The following ZNF627 variants were observed in gnomAD, a reference collection of about 807,000 sequenced individuals.
The protein encoded by ZNF627 is zinc finger protein 627.
Under a neutral mutation model 10.6 loss-of-function variants are expected in ZNF627, and 12 were observed. The ratio of observed to expected loss-of-function variants is 1.13; its 90% CI spans 0.73 to 1.84. The LOEUF (loss-of-function observed/expected upper bound fraction) is 1.84, where lower values mean the gene tolerates loss of function less well. ZNF627 is among the 40% of genes most tolerant of loss of function. ZNF627 has a pLI of 0.00. For missense variants in ZNF627, 504 were observed against 568.4 expected (o/e 0.89, Z 1.15); for synonymous variants, 176 against 187.1 (o/e 0.94, Z 0.48).
At chr19:11,597,945 C>G (rs1348092012) in intron 1 of ZNF627, among the ~76,000 whole-genome samples, 2 of 152,240 alleles carry the variant, frequency 1.3e-5, no homozygotes, top group Non-Finnish European at 2.9e-5. Context: ...CCCCCACAGT[C>G]CCGCCTTTCT....
At chr19:11,601,834 C>G (rs1159919410) in intron 1 of ZNF627, among the ~76,000 whole-genome samples, 1 of 151,430 alleles carries the variant, frequency 6.6e-6, no homozygotes. Flanking sequence ...AGTGAAACCC[C>G]ATCTCTACTA....
Position 11,617,850 on chromosome 19 carries a change from C to CGA in ZNF627, c.1347_1348insGA (p.Pro450AspfsTer86). On this transcript the variant is annotated frameshift_variant, in exon 4 of 4. Coordinates refer to ENST00000361113, the MANE Select transcript of ZNF627 (RefSeq NM_145295.4). LOFTEE classifies it low-confidence loss of function (END_TRUNC). ...ATACTGGAGAGAAACCCTATGAGAA[C>CGA]CCTAACCCTAACGCTTCAGTTGTCC... 1 of 1,578,034 alleles carries CGA rather than the reference C, an allele frequency of 6.3e-7. No individual in the cohort carries two copies. The highest frequency in any genetic ancestry group is 8.6e-7 in the Non-Finnish European group (1 of 1,166,774).
intron 1 of ZNF627, among the ~76,000 whole-genome samples, chr19:11,601,060 A>AG (rs1172386327): frequency 6.6e-6 from 1 of 152,200 alleles, no homozygotes; most frequent in East Asian, 1.9e-4. Context: ...ACTTGAAACT[A>AG]AGACCAATCT....
chr19:11,608,792 CA>C (rs1213949379), intron 1 of ZNF627, among the ~76,000 whole-genome samples: 1 of 152,100 alleles, frequency 6.6e-6, no homozygotes, highest in Non-Finnish European at 1.5e-5. Flanking sequence ...GCTGGGATTA[CA>C]GGTGTGTTCC....
At chr19:11,612,117 G>T (rs1973780464) in intron 1 of ZNF627, among the ~76,000 whole-genome samples, 4 of 94,504 alleles carry the variant, frequency 4.2e-5, no homozygotes, top group African/African-American at 7.5e-5. Context: ...GGGTCCAACT[G>T]CTTTTTTTTT....
chr19:11,612,486 A>G lies in ZNF627; in HGVS notation c.4-2041A>G, dbSNP rs530377235. Among the ~76,000 whole-genome samples the G allele has an allele frequency of 1.1e-4, 15 of 139,738 alleles. No individual in the cohort carries two copies. In the South Asian group the frequency reaches 2.0e-3, roughly 19 times the overall value. The allele number at this position is 139,738 out of a possible 152,430, so 91.7% of individuals were successfully genotyped here. ...ATCTAGGCTGGAGTGCAGTGGGGCA[A>G]TCTCAGCTTACTGCAACCTCTGCGT... On this transcript the variant is annotated intron_variant, in intron 1 of 3. Coordinates refer to ENST00000361113, the MANE Select transcript of ZNF627 (RefSeq NM_145295.4).
chr19:11,614,737 A>G, intron 2 of ZNF627, 84 bp downstream of exon 2: 3 of 1,606,804 alleles, frequency 1.9e-6, no homozygotes, highest in Non-Finnish European at 2.5e-6. Context: ...TAAACCAGGC[A>G]TGGGTACAGG....
At chr19:11,597,677 T>C in intron 1 of ZNF627, 47 bp downstream of exon 1, 2 of 1,332,564 alleles carry the variant, frequency 1.5e-6, no homozygotes, top group Non-Finnish European at 1.9e-6. Context: ...GAGGGGCTGG[T>C]TGGAACCGGC....
In ZNF627 at chr19:11,617,663, G is replaced by T. The variant is rs760824526; in HGVS notation, c.1160G>T (p.Gly387Val). 3 of 1,613,400 alleles carry T rather than the reference G, an allele frequency of 1.9e-6. No homozygotes were observed. In the Admixed American group the frequency reaches 5.0e-5, roughly 27 times the overall value. ...CGAAAACATGAAAGAATTCACACTG[G>T]AGAGAAACCCTATAAATGTACAAAA... The part of the protein sequence containing the change: ...SFRKHERIHT[G>V]EKPYKCTKCG... Residue 387 changes from glycine to valine, a missense_variant, in exon 4 of 4, where the codon GGA becomes GTA. Coordinates refer to ENST00000361113, the MANE Select transcript of ZNF627 (RefSeq NM_145295.4).
chr19:11,612,422 C>CT (rs759276399), intron 1 of ZNF627, among the ~76,000 whole-genome samples: 4,400 of 98,702 alleles, frequency 0.045, 163 homozygotes, highest in Middle Eastern at 0.054. Context: ...GCCCGGCCTG[C>CT]TTTTTTTTTT....
chr19:11,617,269 T>C lies in ZNF627; in HGVS notation c.766T>C (p.Cys256Arg), dbSNP rs1217877741. Residue 256 changes from cysteine to arginine, a missense_variant, in exon 4 of 4, where the codon TGT becomes CGT. Coordinates refer to ENST00000361113, the MANE Select transcript of ZNF627 (RefSeq NM_145295.4). ...TGDKPYECKQ[C>R]GKAFSCSKYI... ...AGATAAACCCTATGAATGCAAGCAG[T>C]GTGGGAAAGCTTTCAGTTGTTCCAA... is the stretch of plus-strand genomic sequence containing the variant. The C allele has an allele frequency of 8.1e-6, 13 of 1,613,684 alleles. No homozygotes were observed. Among genetic ancestry groups the C allele is most frequent in the Non-Finnish European group, 1.1e-5 (13 of 1,179,976 alleles).
chr19:11,601,774 G>A (rs1025085404), intron 1 of ZNF627, among the ~76,000 whole-genome samples: 2 of 151,818 alleles, frequency 1.3e-5, no homozygotes, highest in African/African-American at 2.4e-5. Context: ...TTGGGAGGCC[G>A]AGGTGGGTGG....
At chr19:11,606,748 C>T (rs1258351736) in intron 1 of ZNF627, among the ~76,000 whole-genome samples, 1 of 152,118 alleles carries the variant, frequency 6.6e-6, no homozygotes, top group African/African-American at 2.4e-5. Context: ...CTTCTGAAAT[C>T]TCGGCAGAGG....
chr19:11,611,267 T>C (rs954816433), intron 1 of ZNF627, among the ~76,000 whole-genome samples: 1 of 152,200 alleles, frequency 6.6e-6, no homozygotes, highest in Non-Finnish European at 1.5e-5. Context: ...ATATATGATT[T>C]GCTGATACTT....
intron 1 of ZNF627, among the ~76,000 whole-genome samples, chr19:11,607,561 C>T (rs1973696293): frequency 6.6e-6 from 1 of 152,176 alleles, no homozygotes; most frequent in Non-Finnish European, 1.5e-5. Flanking sequence ...CTCACAAGTT[C>T]AAAGTTCCAC....
chr19:11,603,118 T>TG (rs1568439703), intron 1 of ZNF627, among the ~76,000 whole-genome samples: 2 of 151,816 alleles, frequency 1.3e-5, no homozygotes, highest in African/African-American at 2.4e-5. Context: ...GAGTTTTTTT[T>TG]TGGTTTCTTT....
At chr19:11,615,862 C>T (rs140197218) in intron 3 of ZNF627, among the ~76,000 whole-genome samples, 5,463 of 149,126 alleles carry the variant, frequency 0.037, 332 homozygotes, top group African/African-American at 0.13. Flanking sequence ...GGATTACAGG[C>T]GCCTGCCACC....
At chr19:11,614,380 C>G (rs1230396984) in intron 1 of ZNF627, 147 bp from the exon 2 acceptor site, 3 of 1,308,566 alleles carry the variant, frequency 2.3e-6, no homozygotes, top group Middle Eastern at 1.9e-4. Context: ...GGAAGTGAGT[C>G]TAGACAGAGG....
chr19:11,608,529 A>C (rs1488212290), intron 1 of ZNF627, among the ~76,000 whole-genome samples: 1 of 152,196 alleles, frequency 6.6e-6, no homozygotes, highest in African/African-American at 2.4e-5. Context: ...CATGAGACAA[A>C]AGCTATTCAA....
Sources: gnomAD v4.1 joint callset for allele counts (sites outside exome capture counted in the v4.1 genomes callset) on GRCh38, gnomAD v4.1.1 for gene constraint, MANE v1.5 for transcripts, NCBI Gene and HGNC (gene_info 2026-07-23, HGNC 2026-07-21) for gene names.